NRG1: variants seen among roughly 807,000 people sequenced by gnomAD.
NRG1 encodes pro-neuregulin-1, membrane-bound isoform.
In NRG1, 18 loss-of-function variants were observed where a neutral mutation model predicts 63.8. The observed-to-expected ratio is 0.28, with a 90% confidence interval of 0.19 to 0.42. The LOEUF is 0.42. Ranked by LOEUF, NRG1 falls within the 10% of genes least tolerant of loss-of-function variation. The pLI is 1.00. For missense variants in NRG1, 762 were observed against 814.7 expected (o/e 0.94, Z 0.79); for synonymous variants, 302 against 301.3 (o/e 1.00, Z -0.02).
At chr8:32,632,351 G>C (rs1850483175) in intron 5 of NRG1, among the ~76,000 whole-genome samples, 1 of 151,916 alleles carries the variant, frequency 6.6e-6, no homozygotes, top group South Asian at 2.1e-4. Context: ...TCAGGAGTTC[G>C]AGACCAGCCT....
intron 1 of NRG1, among the ~76,000 whole-genome samples, chr8:31,982,020 G>A (rs1028975154): frequency 1.3e-5 from 2 of 151,874 alleles, no homozygotes; most frequent in Non-Finnish European, 2.9e-5. Context: ...ATACCATGAT[G>A]GGCAGGAGCA....
At chr8:32,328,337 A>G (rs1262841699) in intron 1 of NRG1, among the ~76,000 whole-genome samples, 1 of 152,144 alleles carries the variant, frequency 6.6e-6, no homozygotes, top group Non-Finnish European at 1.5e-5. Context: ...TGGGGAGGGT[A>G]GTATAATTCA....
intron 1 of NRG1, among the ~76,000 whole-genome samples, chr8:32,508,032 T>C (rs1337262496): frequency 3.9e-5 from 6 of 152,162 alleles, no homozygotes; most frequent in Non-Finnish European, 7.3e-5. Flanking sequence ...TTCAATGCAG[T>C]AGCAGCTCAT....
chr8:32,730,535 C>G (rs1823384774), intron 6 of NRG1, among the ~76,000 whole-genome samples: 2 of 152,144 alleles, frequency 1.3e-5, no homozygotes, highest in Admixed American at 1.3e-4. Context: ...TCTCATACGA[C>G]TATGTTTATT....
chr8:32,412,339 T>A (rs77906040), intron 1 of NRG1, among the ~76,000 whole-genome samples: 1 of 150,852 alleles, frequency 6.6e-6, no homozygotes, highest in Admixed American at 6.6e-5. Flanking sequence ...GCAGATCTTA[T>A]GACTTTCCAG....
intron 1 of NRG1, among the ~76,000 whole-genome samples, chr8:32,375,523 G>A (rs1809511770): frequency 6.6e-6 from 1 of 152,118 alleles, no homozygotes; most frequent in Admixed American, 6.6e-5. Flanking sequence ...AGAAGATGTT[G>A]CCCATCCTTA....
At chr8:32,670,520 C>G (rs1805365015) in intron 5 of NRG1, among the ~76,000 whole-genome samples, 1 of 152,140 alleles carries the variant, frequency 6.6e-6, no homozygotes, top group Non-Finnish European at 1.5e-5. Context: ...AACACACACA[C>G]TCTCACACCT....
chr8:32,048,331 ACATG>A lies in NRG1; in HGVS notation c.37+408901_37+408904del, dbSNP rs916122047. Among the ~76,000 whole-genome samples, 5 of 149,710 alleles carry A rather than the reference ACATG, an allele frequency of 3.3e-5. No individual in the cohort carries two copies. In the Admixed American group the frequency reaches 3.4e-4, roughly 10 times the overall value. ...CATATATGTATGTATATACATATGT[ACATG>A]TATGTATGTATGAATATACATATAT... is the stretch of plus-strand genomic sequence containing the variant. On this transcript the variant is annotated intron_variant, in intron 1 of 10. Transcript: ENST00000519301.
chr8:31,686,272 A>C (rs956627940), intron 1 of NRG1, among the ~76,000 whole-genome samples: 5 of 152,200 alleles, frequency 3.3e-5, no homozygotes, highest in African/African-American at 1.2e-4. Flanking sequence ...GCTATTCTAC[A>C]TCACAGTTTA....
intron 1 of NRG1, among the ~76,000 whole-genome samples, chr8:31,874,233 G>C (rs1198020542): frequency 6.6e-6 from 1 of 152,204 alleles, no homozygotes; most frequent in Non-Finnish European, 1.5e-5. Context: ...TAACTGGCAT[G>C]ATATTTGCTT....
At chr8:32,476,046 G>A (rs888481658) in intron 1 of NRG1, among the ~76,000 whole-genome samples, 1 of 152,128 alleles carries the variant, frequency 6.6e-6, no homozygotes, top group African/African-American at 2.4e-5. Context: ...TCTGGATCCT[G>A]CAGGGTAGAG....
At chr8:32,548,548 G>C in exon 1 of NRG1, 2 of 1,251,816 alleles carry the variant, frequency 1.6e-6, no homozygotes, top group Non-Finnish European at 2.0e-6. Context: ...ACCGCCCGCC[G>C]CGTCCGCGCC....
intron 2 of NRG1, among the ~76,000 whole-genome samples, chr8:32,597,539 G>A (rs1843571686): frequency 6.6e-6 from 1 of 152,018 alleles, no homozygotes; most frequent in African/African-American, 2.4e-5. Flanking sequence ...AAAGAGACAT[G>A]GCATTTTTAT....
intron 1 of NRG1, among the ~76,000 whole-genome samples, chr8:32,190,703 G>C (rs967285682): frequency 6.6e-6 from 1 of 152,090 alleles, no homozygotes; most frequent in South Asian, 2.1e-4. Flanking sequence ...TGATTTTACC[G>C]TATTTGCAAC....
intron 6 of NRG1, among the ~76,000 whole-genome samples, chr8:32,736,478 G>C (rs553537122): frequency 1.8e-4 from 27 of 152,268 alleles, no homozygotes; most frequent in South Asian, 6.2e-4. Flanking sequence ...GAGAGCAAAG[G>C]CTTTGGTGTC....
At chr8:31,884,593 A>T (rs1295530021) in intron 1 of NRG1, among the ~76,000 whole-genome samples, 1 of 152,126 alleles carries the variant, frequency 6.6e-6, no homozygotes, top group East Asian at 1.9e-4. Context: ...GCATTTGATC[A>T]GCTAAATTTA....
rs1812138558 is a variant in NRG1 at position 31,997,183 on chromosome 8, CCTTT to C, written c.37+357753_37+357756del. ...TTTAAGAAAATACTATATAGTGTAACCTTTTTTTTTTTTTTTTTTACTATGAAGG... is the reference window on the plus strand; with the variant it reads ...TTTAAGAAAATACTATATAGTGTAACTTTTTTTTTTTTTTTACTATGAAGG... On this transcript the variant is annotated intron_variant, in intron 1 of 10. Transcript: ENST00000519301. 3.6e-5 allele frequency among the ~76,000 whole-genome samples: 3 copies of C among 83,804 alleles called. 1 individual carries two copies. Among genetic ancestry groups the C allele is most frequent in the East Asian group, 2.4e-4 (1 of 4,250 alleles). 55.0% of individuals were successfully genotyped at this position (83,804 alleles called of 152,430 possible). A position where few individuals can be genotyped will look rare whatever the true frequency, so the allele number is the denominator to read the frequency against.
intron 1 of NRG1, among the ~76,000 whole-genome samples, chr8:32,195,185 G>A (rs1235203807): frequency 1.3e-5 from 2 of 152,092 alleles, no homozygotes; most frequent in African/African-American, 2.4e-5. Context: ...TATAATCCCA[G>A]CATTTTGGGA....
chr8:31,809,676 A>G (rs150093882), intron 1 of NRG1, among the ~76,000 whole-genome samples: 2 of 143,776 alleles, frequency 1.4e-5, no homozygotes, highest in Admixed American at 1.4e-4. Flanking sequence ...GCTGTAATGT[A>G]TTGAATCCCT....
Sources: allele counts gnomAD v4.1 joint callset (sites outside exome capture counted in the v4.1 genomes callset), GRCh38; gene constraint gnomAD v4.1.1; transcripts MANE v1.5; gene names NCBI Gene and HGNC (gene_info 2026-07-23, HGNC 2026-07-21).